Variants in GRAMD1C observed in about 807,000 individuals in gnomAD.
The protein encoded by GRAMD1C is protein Aster-C.
Under a neutral mutation model 97.8 loss-of-function variants are expected in GRAMD1C, and 89 were observed. The observed-to-expected ratio is 0.91, with a 90% confidence interval of 0.77 to 1.09. The LOEUF (loss-of-function observed/expected upper bound fraction) is 1.09. GRAMD1C is among the 50% of genes least tolerant of loss of function. GRAMD1C has a pLI of 0.00. For synonymous variants in GRAMD1C, 256 were observed against 267.0 expected (o/e 0.96, Z 0.40); for missense variants, 740 against 766.4 (o/e 0.97, Z 0.41).
intron 17 of GRAMD1C, among the ~76,000 whole-genome samples, chr3:113,942,887 ATTCTTTAGGGTTAATTTTGTTGG>A (rs1444424951): frequency 6.6e-6 from 1 of 151,938 alleles, no homozygotes; most frequent in Non-Finnish European, 1.5e-5. Context: ...CCTTTTGAGG[ATTCTTTAGGGTTAATTTTGTTGG>A]TTCTCAGCAT....
chr3:113,885,333 G>A (rs746533569), intron 6 of GRAMD1C: 10 of 1,590,828 alleles, frequency 6.3e-6, no homozygotes, highest in South Asian at 4.4e-5. Context: ...GACTGCGCAC[G>A]TTCGTGGCCT....
intron 6 of GRAMD1C, among the ~76,000 whole-genome samples, chr3:113,884,873 G>T (rs1442547025): frequency 2.0e-5 from 3 of 148,526 alleles, no homozygotes; most frequent in Non-Finnish European, 4.5e-5. Flanking sequence ...AGAGAGAGGC[G>T]CAGCGGACCA....
rs1186635433 is a variant in GRAMD1C, at chr3:113,838,800, G to A, written c.-110G>A. 10 of 746,982 alleles carry A rather than the reference G, an allele frequency of 1.3e-5. No individual in the cohort carries two copies. Among genetic ancestry groups the A allele is most frequent in the Non-Finnish European group, 1.6e-5 (9 of 549,406 alleles). The allele number at this position is 746,982 out of a possible 1,614,324, so 46.3% of individuals were successfully genotyped here. ...TGCGGCTGGAAGTACTCGGAGGGCCGGCGGAGGAGGCGCGCGGAGCCTGTA... is the reference window on the plus strand; with the variant it reads ...TGCGGCTGGAAGTACTCGGAGGGCCAGCGGAGGAGGCGCGCGGAGCCTGTA... On this transcript the variant is annotated 5_prime_UTR_variant, in exon 1 of 18. Coordinates refer to ENST00000358160, the MANE Select transcript of GRAMD1C (RefSeq NM_017577.5).
Position 113,901,138 on chromosome 3 carries a change from G to A in GRAMD1C, c.648G>A (p.Val216=), listed in dbSNP as rs372190798. 1.3e-5 allele frequency: 20 copies of A among 1,541,844 alleles called. No individual in the cohort carries two copies. The African/African-American group carries it at 2.7e-4, about 21-fold the overall frequency. ...ACTTGTCACTGTCGATTGAGGATGT[G>A]CAGCCAAGGTACAGCAAAATGTTTT... is the stretch of plus-strand genomic sequence containing the variant. The part of the protein sequence containing the change: ...MENLSLSIED[V]QPRSPGRSSL... The change falls in exon 7 of 18, where the codon GTG becomes GTA. Residue 216 remains valine (V), a synonymous_variant. Transcript: ENST00000358160.
chr3:113,937,967 T>C (rs1937611003), intron 14 of GRAMD1C, 119 bp from the exon 15 acceptor site: 1 of 578,064 alleles, frequency 1.7e-6, no homozygotes, highest in Non-Finnish European at 3.0e-6. Flanking sequence ...ATCGTGCCAT[T>C]GCACTCCAGC....
At chr3:113,850,037 C>T (rs1411274510) in intron 2 of GRAMD1C, among the ~76,000 whole-genome samples, 5 of 151,918 alleles carry the variant, frequency 3.3e-5, no homozygotes, top group Non-Finnish European at 5.9e-5. Context: ...CCCCACCTCC[C>T]TCCCGGACGG....
chr3:113,858,375 G>C (rs1417896176), intron 2 of GRAMD1C, among the ~76,000 whole-genome samples: 2 of 145,082 alleles, frequency 1.4e-5, no homozygotes. Context: ...TGGGATTACA[G>C]GCATGTAATC....
intron 2 of GRAMD1C, among the ~76,000 whole-genome samples, chr3:113,847,755 A>C (rs541904492): frequency 1.3e-5 from 2 of 152,216 alleles, no homozygotes; most frequent in Non-Finnish European, 2.9e-5. Context: ...GGCCTGAGAA[A>C]GGGGATCACT....
intron 1 of GRAMD1C, chr3:113,828,415 C>T: frequency 6.6e-6 from 1 of 152,194 alleles, no homozygotes; most frequent in East Asian, 1.9e-4. Flanking sequence ...AGGTTCCTGA[C>T]CCACAGAAAC....
chr3:113,934,436 TC>T lies in GRAMD1C; in HGVS notation c.1359del (p.Thr454GlnfsTer3). On this transcript the variant is annotated frameshift_variant, in exon 13 of 18. Transcript: ENST00000358160. LOFTEE classifies it high-confidence loss of function. The part of the protein sequence containing the change: ...SSKQKCRLRV[S>X]TDLKYRKQPW... Reference sequence around the variant, plus strand: ...CTTTCCTTCTTATTCTACTAGAGTTTCCACAGATTTGAAATACAGAAAACAG... The same window carrying T: ...CTTTCCTTCTTATTCTACTAGAGTTTCACAGATTTGAAATACAGAAAACAG... The T allele has an allele frequency of 7.0e-7, 1 of 1,429,160 alleles. No individual in the cohort carries two copies. The highest frequency in any genetic ancestry group is 1.2e-5 in the South Asian group (1 of 81,388). 88.5% of individuals were successfully genotyped at this position (1,429,160 alleles called of 1,614,324 possible). A position where few individuals can be genotyped will look rare whatever the true frequency, so the allele number is the denominator to read the frequency against.
intron 2 of GRAMD1C, among the ~76,000 whole-genome samples, chr3:113,850,012 G>A (rs1469732603): frequency 8.2e-6 from 1 of 121,390 alleles, no homozygotes; most frequent in Non-Finnish European, 1.7e-5. Context: ...TGGCTGGCCG[G>A]GCGGGGGGCT....
At chr3:113,945,001 G>GT (rs1324429789) in intron 17 of GRAMD1C, among the ~76,000 whole-genome samples, 1 of 152,220 alleles carries the variant, frequency 6.6e-6, no homozygotes, top group African/African-American at 2.4e-5. Context: ...GTGAATATGA[G>GT]TAAGTTTTAG....
chr3:113,885,894 A>G, intron 6 of GRAMD1C: 4 of 1,612,896 alleles, frequency 2.5e-6, no homozygotes, highest in Non-Finnish European at 2.5e-6. Flanking sequence ...AGACAATGCC[A>G]TCCCCATCAA....
At chr3:113,847,887 G>A (rs1933683629) in intron 2 of GRAMD1C, among the ~76,000 whole-genome samples, 2 of 152,192 alleles carry the variant, frequency 1.3e-5, no homozygotes, top group South Asian at 2.1e-4. Flanking sequence ...TATTCATAAG[G>A]CACATGACCT....
intron 2 of GRAMD1C, among the ~76,000 whole-genome samples, chr3:113,858,786 T>C (rs1008103497): frequency 6.6e-6 from 1 of 152,206 alleles, no homozygotes; most frequent in African/African-American, 2.4e-5. Flanking sequence ...CTCCAACTCC[T>C]GACCTTAGGT....
intron 9 of GRAMD1C, among the ~76,000 whole-genome samples, chr3:113,911,727 C>CCTTCCTTCCTTT (rs1373918021): frequency 2.3e-4 from 22 of 93,820 alleles, no homozygotes; most frequent in East Asian, 4.2e-4. Flanking sequence ...TTCCTTCCTT[C>CCTTCCTTCCTTT]CTTTTCTTTC....
At chr3:113,860,341 T>A (rs1175488316) in intron 2 of GRAMD1C, among the ~76,000 whole-genome samples, 1 of 152,116 alleles carries the variant, frequency 6.6e-6, no homozygotes, top group Non-Finnish European at 1.5e-5. Flanking sequence ...GTAATACTTG[T>A]ATACTGAAAA....
At chr3:113,886,244 T>C (rs1935472905) in intron 6 of GRAMD1C, among the ~76,000 whole-genome samples, 1 of 152,136 alleles carries the variant, frequency 6.6e-6, no homozygotes, top group African/African-American at 2.4e-5. Context: ...CACTCTTAAC[T>C]TCATGTTCAC....
At chr3:113,860,862 A>T (rs570108575) in intron 2 of GRAMD1C, among the ~76,000 whole-genome samples, 21 of 151,998 alleles carry the variant, frequency 1.4e-4, no homozygotes, top group African/African-American at 4.8e-4. Context: ...GCTACTCGGG[A>T]CGCTGAGGCA....
Sources: gnomAD v4.1 joint callset for allele counts (sites outside exome capture counted in the v4.1 genomes callset) on GRCh38, gnomAD v4.1.1 for gene constraint, MANE v1.5 for transcripts, NCBI Gene and HGNC (gene_info 2026-07-23, HGNC 2026-07-21) for gene names.